The following BPIFC variants were observed in gnomAD, a reference collection of about 807,000 sequenced individuals.
BPIFC encodes BPI fold-containing family C protein.
Under a neutral mutation model 57.6 loss-of-function variants are expected in BPIFC, and 60 were observed. That is an observed-to-expected ratio of 1.04 (90% CI 0.85 to 1.29). BPIFC has a LOEUF of 1.29. Among genes scored for constraint, BPIFC ranks in the 50% most tolerant of loss-of-function variants. BPIFC has a pLI of 0.00. For missense variants in BPIFC, 581 were observed against 600.5 expected (o/e 0.97, Z 0.34); for synonymous variants, 243 against 224.5 (o/e 1.08, Z -0.74).
At chr22:32,431,585 T>G (rs913283251) in intron 12 of BPIFC, among the ~76,000 whole-genome samples, 171 bp from the exon 13 acceptor site, 6 of 152,074 alleles carry the variant, frequency 3.9e-5, no homozygotes, top group Non-Finnish European at 7.4e-5. Context: ...TGTCTTGTAG[T>G]TAGGGAAGCT....
At chr22:32,426,851 C>T (rs1206234143) in intron 13 of BPIFC, among the ~76,000 whole-genome samples, 2 of 150,768 alleles carry the variant, frequency 1.3e-5, no homozygotes, top group African/African-American at 4.9e-5. Context: ...AAGATCGTGC[C>T]ACTGCACTCC....
intron 12 of BPIFC, among the ~76,000 whole-genome samples, chr22:32,432,075 CA>C: frequency 6.6e-6 from 1 of 152,198 alleles, no homozygotes; most frequent in East Asian, 1.9e-4. Flanking sequence ...GCTAGGATGA[CA>C]GGTGCACAAC....
At chr22:32,434,923 C>T (rs529154531) in intron 10 of BPIFC, among the ~76,000 whole-genome samples, 2 of 152,098 alleles carry the variant, frequency 1.3e-5, no homozygotes, top group African/African-American at 4.8e-5. Context: ...TGTATTATTA[C>T]TGATCATTGT....
intron 7 of BPIFC, among the ~76,000 whole-genome samples, chr22:32,445,278 C>T (rs1401681624): frequency 6.6e-6 from 1 of 152,216 alleles, no homozygotes; most frequent in African/African-American, 2.4e-5. Context: ...TGGCTCATGC[C>T]TGTAATCCCA....
intron 7 of BPIFC, among the ~76,000 whole-genome samples, chr22:32,445,431 G>C (rs1251131065): frequency 1.3e-5 from 2 of 152,052 alleles, no homozygotes; most frequent in African/African-American, 4.8e-5. Flanking sequence ...CAGCTACTTG[G>C]GAGGCTGAGG....
At chr22:32,424,753 C>CTTCTTCTTCTTCTTCTTCTTCTTCTTCT (rs1934004717) in intron 13 of BPIFC, among the ~76,000 whole-genome samples, 2 of 35,486 alleles carry the variant, frequency 5.6e-5, no homozygotes, top group Admixed American at 3.0e-4. Flanking sequence ...CTTCTTCTTC[C>CTTCTTCTTCTTCTTCTTCTTCTTCTTCT]TCTTCTTCTT....
chr22:32,418,293 A>G (rs1933742651), intron 14 of BPIFC, among the ~76,000 whole-genome samples: 1 of 152,134 alleles, frequency 6.6e-6, no homozygotes, highest in South Asian at 2.1e-4. Context: ...AGTAAACACT[A>G]TATTTGTTTG....
chr22:32,453,961 A>T (rs1934970496), intron 3 of BPIFC, among the ~76,000 whole-genome samples: 1 of 152,108 alleles, frequency 6.6e-6, no homozygotes, highest in South Asian at 2.1e-4. Context: ...AAATTAAAAA[A>T]TTAGCTGGGC....
intron 4 of BPIFC, among the ~76,000 whole-genome samples, chr22:32,453,105 C>T (rs1934939453): frequency 6.6e-6 from 1 of 152,154 alleles, no homozygotes; most frequent in Non-Finnish European, 1.5e-5. Flanking sequence ...TTCAGAAAAA[C>T]TCATTAAAAA....
chr22:32,432,632 A>C (rs1423420792), intron 11 of BPIFC, 89 bp from the exon 12 acceptor site: 1 of 1,258,680 alleles, frequency 7.9e-7, no homozygotes, highest in African/African-American at 1.5e-5. Context: ...TGGTGACTAA[A>C]TCTTACATTG....
At chr22:32,447,469 T>C in intron 4 of BPIFC, 129 bp from the exon 5 acceptor site, 1 of 1,109,436 alleles carries the variant, frequency 9.0e-7, no homozygotes, top group South Asian at 2.2e-5. Context: ...GAAAAGAACC[T>C]CCTGTCTGCA....
Position 32,449,683 on chromosome 22 carries a change from T to C in BPIFC, c.246-2343A>G, listed in dbSNP as rs187332173. Among the ~76,000 whole-genome samples, 212 of 152,306 alleles carry C rather than the reference T, an allele frequency of 1.4e-3. No homozygotes were observed. In the Middle Eastern group the frequency reaches 0.017, roughly 12 times the overall value. On this transcript the variant is annotated intron_variant, in intron 4 of 16. Transcript: ENST00000300399. ...GGTTCTTTCTAGCACTTCTGTATTA[T>C]ATACAATGTCACAGTGAACATCCTC...
Position 32,435,864 on chromosome 22 carries a change from A to C in BPIFC, c.764T>G (p.Leu255Arg), listed in dbSNP as rs1341216224. The C allele has an allele frequency of 1.2e-6, 2 of 1,613,986 alleles. No homozygotes were observed. The highest frequency in any genetic ancestry group is 1.7e-5 in the Admixed American group (1 of 59,988). ...GAAGGGGGGGTCGGTGAGGTTTTCC[A>C]GTGGGTAGAATACACCCTGTGGGAA... ...DLNLKGVFYP[L>R]ENLTDPPFSP... Residue 255 changes from leucine to arginine, a missense_variant, in exon 10 of 17, where the codon CTG becomes CGG. By Grantham distance (102) the Leu-to-Arg change is moderately radical. Transcript: ENST00000300399.
intron 12 of BPIFC, among the ~76,000 whole-genome samples, chr22:32,432,113 A>AT (rs912484476): frequency 1.8e-3 from 260 of 145,688 alleles, no homozygotes; most frequent in South Asian, 2.6e-3. Context: ...AATTCAAACA[A>AT]TTTTTTTTTT....
At chr22:32,450,279 C>T (rs1486601576) in intron 4 of BPIFC, among the ~76,000 whole-genome samples, 1 of 152,180 alleles carries the variant, frequency 6.6e-6, no homozygotes, top group Non-Finnish European at 1.5e-5. Context: ...AGTGCAGTCT[C>T]ATGTTTTACA....
chr22:32,419,486 C>G, intron 13 of BPIFC, 82 bp from the exon 14 acceptor site: 1 of 1,339,224 alleles, frequency 7.5e-7, no homozygotes, highest in South Asian at 1.2e-5. Flanking sequence ...AGGATATTTT[C>G]AGTTCAAAAG....
At chr22:32,419,137 A>G (rs550672263) in intron 14 of BPIFC, among the ~76,000 whole-genome samples, 93 of 152,236 alleles carry the variant, frequency 6.1e-4, no homozygotes, top group African/African-American at 2.2e-3. Flanking sequence ...TGAGTTTTTA[A>G]AAAAGTATTT....
At chr22:32,415,602 T>G (rs919945928) in intron 16 of BPIFC, among the ~76,000 whole-genome samples, 3 of 152,112 alleles carry the variant, frequency 2.0e-5, no homozygotes, top group African/African-American at 7.2e-5. Context: ...ATCTGTAAAA[T>G]GGGACTAATA....
At chr22:32,421,225 C>A (rs1372423149) in intron 13 of BPIFC, among the ~76,000 whole-genome samples, 2 of 152,084 alleles carry the variant, frequency 1.3e-5, no homozygotes, top group Non-Finnish European at 2.9e-5. Context: ...CATAAGTAGT[C>A]CTCCCAATAT....
Sources: allele counts gnomAD v4.1 joint callset (sites outside exome capture counted in the v4.1 genomes callset), GRCh38; gene constraint gnomAD v4.1.1; transcripts MANE v1.5; gene names NCBI Gene and HGNC (gene_info 2026-07-23, HGNC 2026-07-21).